The following SAE1 variants were observed in gnomAD, a reference collection of about 807,000 sequenced individuals.
SAE1 encodes the protein SUMO-activating enzyme subunit 1.
Under a neutral mutation model 40.6 loss-of-function variants are expected in SAE1, and 11 were observed. The ratio of observed to expected loss-of-function variants is 0.27; its 90% CI spans 0.17 to 0.45. The LOEUF (loss-of-function observed/expected upper bound fraction) is 0.45. SAE1 is among the 20% of genes least tolerant of loss of function. The pLI, the probability that SAE1 is intolerant of heterozygous loss-of-function variation, is 1.00. For synonymous variants in SAE1, 155 were observed against 154.3 expected, an observed-to-expected ratio of 1.00 and a Z score of -0.03; for missense variants, 373 against 427.3, an observed-to-expected ratio of 0.87 and a Z score of 1.12.
chr19:47,194,747 CTTTTTTTTTT>C (rs1232339267), intron 6 of SAE1, among the ~76,000 whole-genome samples: 1 of 124,888 alleles, frequency 8.0e-6, no homozygotes, highest in African/African-American at 3.0e-5. Context: ...GTTAATCAGT[CTTTTTTTTTT>C]TTTTTTTTTT....
At chr19:47,195,905 T>G (rs889291348) in intron 6 of SAE1, among the ~76,000 whole-genome samples, 1 of 151,004 alleles carries the variant, frequency 6.6e-6, no homozygotes, top group Non-Finnish European at 1.5e-5. Flanking sequence ...AAATTTTTTT[T>G]TTTTTTTTGG....
intron 5 of SAE1, among the ~76,000 whole-genome samples, chr19:47,165,945 T>C (rs2058389433): frequency 6.6e-6 from 1 of 152,198 alleles, no homozygotes; most frequent in Non-Finnish European, 1.5e-5. Context: ...TTTCACATTT[T>C]CAGTTCCCAG....
chr19:47,154,806 A>G (rs1216914211), intron 4 of SAE1, among the ~76,000 whole-genome samples: 2 of 152,194 alleles, frequency 1.3e-5, no homozygotes, highest in East Asian at 1.9e-4. Flanking sequence ...AAGTTTGGCT[A>G]TTTATTTCAT....
intron 6 of SAE1, among the ~76,000 whole-genome samples, chr19:47,183,128 C>A (rs1157504012): frequency 6.6e-6 from 1 of 152,094 alleles, no homozygotes; most frequent in Admixed American, 6.6e-5. Flanking sequence ...GTTGGCCAGG[C>A]TGGTCTCAAA....
chr19:47,152,045 C>T (rs2058291453), intron 3 of SAE1, among the ~76,000 whole-genome samples: 1 of 152,230 alleles, frequency 6.6e-6, no homozygotes, highest in African/African-American at 2.4e-5. Flanking sequence ...CAAAGGAACA[C>T]ATTTCTCTGT....
At chr19:47,170,138 G>C (rs889175407) in intron 6 of SAE1, among the ~76,000 whole-genome samples, 2 of 152,200 alleles carry the variant, frequency 1.3e-5, no homozygotes, top group African/African-American at 4.8e-5. Context: ...TTTTTTACTT[G>C]TTGAAATGAC....
chr19:47,158,225 A>G (rs1474931246), intron 5 of SAE1, among the ~76,000 whole-genome samples: 1 of 152,168 alleles, frequency 6.6e-6, no homozygotes, highest in Admixed American at 6.6e-5. Flanking sequence ...TTGTGCTCCT[A>G]AATTAGTAAC....
At position 47,209,256 on chromosome 19, in the gene SAE1, A is replaced by C; in HGVS notation, c.*5A>C. 1 of 1,614,164 alleles carries C rather than the reference A, an allele frequency of 6.2e-7. No individual in the cohort carries two copies. The highest frequency in any genetic ancestry group is 8.5e-7 in the Non-Finnish European group (1 of 1,180,012). On this transcript the variant is annotated 3_prime_UTR_variant, in exon 9 of 9. Transcript: ENST00000270225. ...GAGTGCCTTGGCCCCAAGTGAACTC[A>C]AGATTTGGCAGCCCCAGAGATGCCA...
chr19:47,158,222 C>G (rs1184739638), intron 5 of SAE1, among the ~76,000 whole-genome samples: 3 of 152,102 alleles, frequency 2.0e-5, no homozygotes, highest in Admixed American at 6.6e-5. Flanking sequence ...ACTTTGTGCT[C>G]CTAAATTAGT....
intron 3 of SAE1, among the ~76,000 whole-genome samples, chr19:47,151,188 C>T (rs1327198306): frequency 6.7e-6 from 1 of 149,860 alleles, no homozygotes; most frequent in African/African-American, 2.5e-5. Context: ...TTGCTCTTGT[C>T]GCCCAGGCTG....
At chr19:47,152,798 G>C in intron 3 of SAE1, 100 bp from the exon 4 acceptor site, 3 of 1,149,684 alleles carry the variant, frequency 2.6e-6, no homozygotes, top group Non-Finnish European at 2.5e-6. Context: ...CATGCTTTGA[G>C]CATGCCCAGA....
intron 6 of SAE1, among the ~76,000 whole-genome samples, chr19:47,192,132 C>T (rs901186073): frequency 2.0e-5 from 3 of 152,104 alleles, no homozygotes; most frequent in Middle Eastern, 3.4e-3. Context: ...ATAGTGCCTA[C>T]TATGTGTCAG....
In SAE1 at chr19:47,153,015, A is replaced by G; in HGVS notation, c.502A>G (p.Asn168Asp). The change falls in exon 4 of 9, where the codon AAT (asparagine) becomes GAT (aspartate). Residue 168 changes from asparagine to aspartate, a missense_variant. Coordinates refer to ENST00000270225, the MANE Select transcript of SAE1 (RefSeq NM_005500.3). ...VFGYHGYTFA[N>D]LGEHEFVEEK... ...TGGCTACCATGGATACACATTTGCC[A>G]ATCTAGGAGAGCATGAGTTTGTAGA... 1 of 1,613,390 alleles carries G rather than the reference A, an allele frequency of 6.2e-7. No homozygotes were observed. Among genetic ancestry groups the G allele is most frequent in the Non-Finnish European group, 8.5e-7 (1 of 1,179,696 alleles).
intron 1 of SAE1, among the ~76,000 whole-genome samples, chr19:47,140,771 G>A (rs1160319548): frequency 6.6e-6 from 1 of 152,086 alleles, no homozygotes; most frequent in African/African-American, 2.4e-5. Context: ...CTTCAATCTG[G>A]GTTCACAGAA....
intron 8 of SAE1, among the ~76,000 whole-genome samples, chr19:47,206,438 C>G (rs1267599999): frequency 6.6e-5 from 10 of 152,230 alleles, no homozygotes; most frequent in Admixed American, 6.5e-4. Context: ...AAAGCTTACA[C>G]TAGGAGATGG....
At chr19:47,139,144 GTTTCA>G (rs2058201132) in intron 1 of SAE1, among the ~76,000 whole-genome samples, 1 of 152,006 alleles carries the variant, frequency 6.6e-6, no homozygotes, top group African/African-American at 2.4e-5. Flanking sequence ...TAGAGATGGA[GTTTCA>G]CCATATTGGC....
intron 2 of SAE1, among the ~76,000 whole-genome samples, chr19:47,145,224 A>G (rs529026465): frequency 1.3e-5 from 2 of 151,482 alleles, no homozygotes; most frequent in South Asian, 4.2e-4. Flanking sequence ...CTGGTCTTGA[A>G]CTCCGACCTC....
At chr19:47,163,381 A>G (rs767548956) in intron 5 of SAE1, among the ~76,000 whole-genome samples, 47 of 152,190 alleles carry the variant, frequency 3.1e-4, no homozygotes, top group South Asian at 6.2e-4. Context: ...CAATATAACA[A>G]CTGTTTACAT....
At chr19:47,155,256 TG>T (rs1267977662) in intron 5 of SAE1, 43 bp downstream of exon 5, 3 of 1,326,926 alleles carry the variant, frequency 2.3e-6, no homozygotes, top group Non-Finnish European at 1.1e-6. Flanking sequence ...CCTGGGGCCT[TG>T]GAGGGGTCAG....
Sources: allele counts gnomAD v4.1 joint callset (sites outside exome capture counted in the v4.1 genomes callset), GRCh38; gene constraint gnomAD v4.1.1; transcripts MANE v1.5; gene names NCBI Gene and HGNC (gene_info 2026-07-23, HGNC 2026-07-21).